ARVCF: variants seen among roughly 807,000 people sequenced by gnomAD.
The protein encoded by ARVCF is ARVCF delta catenin family member, also known as splicing regulator ARVCF.
In ARVCF, 66 loss-of-function variants were observed where a neutral mutation model predicts 90.9. The ratio of observed to expected loss-of-function variants is 0.73; its 90% CI spans 0.60 to 0.89. ARVCF has a LOEUF of 0.89. Ranked by LOEUF, ARVCF falls within the 40% of genes least tolerant of loss-of-function variation. The pLI is 0.00. For synonymous variants in ARVCF, 653 were observed against 603.4 expected, an observed-to-expected ratio of 1.08 and a Z score of -1.21; for missense variants, 1,469 against 1,382.3, an observed-to-expected ratio of 1.06 and a Z score of -1.00.
chr22:19,989,246 C>G (rs998393472), intron 3 of ARVCF, among the ~76,000 whole-genome samples: 7 of 152,038 alleles, frequency 4.6e-5, no homozygotes, highest in Non-Finnish European at 1.0e-4. Context: ...CCTCTGAGCA[C>G]CAGGGGCCAT....
Position 19,981,719 on chromosome 22 carries a change from T to C in ARVCF, c.388A>G (p.Thr130Ala). The C allele has an allele frequency of 1.9e-6, 3 of 1,570,448 alleles. No homozygotes were observed. The highest frequency in any genetic ancestry group is 2.6e-6 in the Non-Finnish European group (3 of 1,156,278). Residue 130 changes from threonine to alanine, a missense_variant, in exon 5 of 20, where the codon ACG becomes GCG. Thr to Ala is a moderately conservative substitution (Grantham distance 58). Transcript: ENST00000263207. ...TGGCGTACTGTCCGAGTGGTCACCG[T>C]CTTGACAGTCTTGGTGACCTGGTGG... is the stretch of plus-strand genomic sequence containing the variant. ...TETKVTKTVK[T>A]VTTRTVRQVP...
downstream of ARVCF, among the ~76,000 whole-genome samples, chr22:19,966,796 G>A (rs1942423591): frequency 6.6e-6 from 1 of 152,166 alleles, no homozygotes; most frequent in South Asian, 2.1e-4. Flanking sequence ...CCAGGCTGGA[G>A]TGCAGTGGCG....
At chr22:19,979,358 G>A in intron 6 of ARVCF, 1 of 528,248 alleles carries the variant, frequency 1.9e-6, no homozygotes, top group Non-Finnish European at 3.4e-6. Context: ...CACTCCTGAG[G>A]CCACAGGGCC....
chr22:19,989,244 C>T (rs1474237180), intron 3 of ARVCF, among the ~76,000 whole-genome samples: 1 of 151,990 alleles, frequency 6.6e-6, no homozygotes, highest in East Asian at 1.9e-4. Flanking sequence ...GGCCTCTGAG[C>T]ACCAGGGGCC....
chr22:19,982,811 G>T lies in ARVCF; in HGVS notation c.211-720C>A, dbSNP rs562703104. ...CTCGGGCCAGTGGCTGGCGCCCCCA[G>T]TGACTGAGACTCTGGGCATCATATC... On this transcript the variant is annotated intron_variant, in intron 3 of 19. Transcript: ENST00000263207. Among the ~76,000 whole-genome samples the T allele has an allele frequency of 2.0e-5, 3 of 152,342 alleles. No individual in the cohort carries two copies. The East Asian group carries it at 5.8e-4, about 29-fold the overall frequency.
chr22:19,998,170 G>A (rs938862289), intron 2 of ARVCF, among the ~76,000 whole-genome samples: 4 of 152,228 alleles, frequency 2.6e-5, no homozygotes, highest in Admixed American at 1.3e-4. Context: ...GGGCCTCAGC[G>A]GGCAGGTGCA....
At position 19,977,911 on chromosome 22, in the gene ARVCF, A is replaced by T. The variant is rs372380409; in HGVS notation, c.1698+47T>A. 9.1e-6 allele frequency: 14 copies of T among 1,544,360 alleles called. No homozygotes were observed. The African/African-American group carries it at 1.9e-4, about 21-fold the overall frequency. On this transcript the variant is annotated intron_variant, in intron 8 of 19. Transcript: ENST00000263207. Reference sequence around the variant, plus strand: ...GTTCCAGCCTCCTGGGACCTGCATGATCGTCTCTCCAGCCCTTGGTATGAG... The same window carrying T: ...GTTCCAGCCTCCTGGGACCTGCATGTTCGTCTCTCCAGCCCTTGGTATGAG...
At chr22:19,974,081 C>T in intron 12 of ARVCF, 31 bp downstream of exon 12, 1 of 1,584,882 alleles carries the variant, frequency 6.3e-7, no homozygotes, top group Non-Finnish European at 8.6e-7. Flanking sequence ...TCTCTCAGGA[C>T]TTGCCCACCC....
intron 11 of ARVCF, 43 bp downstream of exon 11, chr22:19,975,643 C>T (rs1361341999): frequency 6.2e-7 from 1 of 1,609,748 alleles, no homozygotes; most frequent in East Asian, 2.2e-5. Flanking sequence ...ATCCTGAGCC[C>T]AGACATCCCC....
At position 19,970,023 on chromosome 22, in the gene ARVCF, G is replaced by GC; in HGVS notation, c.*732dup. On this transcript the variant is annotated 3_prime_UTR_variant, in exon 20 of 20. Coordinates refer to ENST00000263207, the MANE Select transcript of ARVCF (RefSeq NM_001670.3). ...TCTGTTTCTGAGTCACGAACAGCAG[G>GC]CACTGAAAGCAGTCCCCCAGCCACT... The GC allele has an allele frequency of 1.0e-6, 1 of 985,586 alleles. No individual in the cohort carries two copies. Among genetic ancestry groups the GC allele is most frequent in the Non-Finnish European group, 1.2e-6 (1 of 829,934 alleles). The allele number at this position is 985,586 out of a possible 1,614,324, so 61.1% of individuals were successfully genotyped here. A position where few individuals can be genotyped will look rare whatever the true frequency, so the allele number is the denominator to read the frequency against.
At chr22:19,977,672 G>A in intron 8 of ARVCF, 86 bp from the exon 9 acceptor site, 6 of 1,460,020 alleles carry the variant, frequency 4.1e-6, no homozygotes, top group Admixed American at 5.1e-5. Flanking sequence ...TGGTGTGCAT[G>A]AGGGCACCGG....
chr22:19,966,433 C>G (rs1008955323), downstream of ARVCF, among the ~76,000 whole-genome samples: 2 of 85,044 alleles, frequency 2.4e-5, no homozygotes, highest in Non-Finnish European at 4.7e-5. Flanking sequence ...ATGAGTTCCC[C>G]CTTAAAAAAA....
In ARVCF at chr22:19,970,729, G is replaced by A. The variant is rs1332846879; in HGVS notation, c.*27C>T. The A allele has an allele frequency of 1.6e-6, 2 of 1,287,264 alleles. No homozygotes were observed. The highest frequency in any genetic ancestry group is 2.3e-5 in the Admixed American group (1 of 43,194). 79.7% of individuals were successfully genotyped at this position (1,287,264 alleles called of 1,614,324 possible). A position where few individuals can be genotyped will look rare whatever the true frequency, so the allele number is the denominator to read the frequency against. On this transcript the variant is annotated 3_prime_UTR_variant, in exon 20 of 20. Transcript: ENST00000263207. ...CACGATCCAAGCCCTAAGAACAAGA[G>A]GCTGGGCCTGGGCCCTGCAGAGGGA...
In ARVCF at chr22:20,016,777, A is replaced by G. The variant is rs1456498135; in HGVS notation, c.-261T>C. 1.3e-5 allele frequency: 2 copies of G among 150,310 alleles called. No individual in the cohort carries two copies. Among genetic ancestry groups the G allele is most frequent in the Non-Finnish European group, 3.0e-5 (2 of 67,532 alleles). The allele number at this position is 150,310 out of a possible 1,614,324, so 9.3% of individuals were successfully genotyped here. On this transcript the variant is annotated 5_prime_UTR_variant, in exon 1 of 20. Coordinates refer to ENST00000263207, the MANE Select transcript of ARVCF (RefSeq NM_001670.3). ...CCCCTCCCTCCAGGCCCAGCGCGCA[A>G]CCCGAGACCCCGGGCCAGCCCTCCC... is the stretch of plus-strand genomic sequence containing the variant.
chr22:19,972,407 G>A lies in ARVCF; in HGVS notation c.2646C>T (p.Gly882=), dbSNP rs371911365. Residue 882 remains glycine (G), a synonymous_variant, in exon 17 of 20, where the codon GGC becomes GGT. Coordinates refer to ENST00000263207, the MANE Select transcript of ARVCF (RefSeq NM_001670.3). ...TLPLVDKSLE[G]EKTGSRDVIP... is the part of the protein sequence containing the mutation. ...TCACATCCCGGCTGCCAGTTTTCTC[G>A]CCCTCTGCAAGGCAGGAGGAGGAGA... 179 of 1,613,428 alleles carry A rather than the reference G, an allele frequency of 1.1e-4. No homozygotes were observed. In the Admixed American group the frequency reaches 2.7e-3, roughly 24 times the overall value.
chr22:20,013,161 T>A (rs1407586582), intron 1 of ARVCF, among the ~76,000 whole-genome samples: 1 of 152,234 alleles, frequency 6.6e-6, no homozygotes, highest in Non-Finnish European at 1.5e-5. Flanking sequence ...TCAATGACAA[T>A]GCTGTCCACT....
At chr22:20,014,847 G>A (rs1569203792) in intron 1 of ARVCF, among the ~76,000 whole-genome samples, 1 of 152,166 alleles carries the variant, frequency 6.6e-6, no homozygotes, top group African/African-American at 2.4e-5. Flanking sequence ...GCTCCCCCAG[G>A]CCAGACTCCT....
intron 18 of ARVCF, among the ~76,000 whole-genome samples, chr22:19,971,685 T>C (rs1033674491): frequency 6.6e-6 from 1 of 152,170 alleles, no homozygotes; most frequent in African/African-American, 2.4e-5. Context: ...CCGGGCAGTG[T>C]TGTCCCCAGT....
rs760368675 is a variant in ARVCF, at chr22:19,979,909, G to T, written c.1230C>A (p.Asp410Glu). 5 of 1,599,960 alleles carry T rather than the reference G, an allele frequency of 3.1e-6. No individual in the cohort carries two copies. The South Asian group carries it at 5.6e-5, about 18-fold the overall frequency. The change falls in exon 6 of 20, where the codon GAC becomes GAA. Residue 410 changes from aspartate to glutamate, a missense_variant. Physicochemically the swap from Asp to Glu is conservative, Grantham distance 45. Transcript: ENST00000263207. ...GGCGCCGCACCTCAGCCCGCGGGTGGTCCAGCAGTGCCACAAGCAGCGGCA... is the reference window on the plus strand; with the variant it reads ...GGCGCCGCACCTCAGCCCGCGGGTGTTCCAGCAGTGCCACAAGCAGCGGCA... ...RGLPLLVALL[D>E]HPRAEVRRRA... is the part of the protein sequence containing the mutation.
Sources: gnomAD v4.1 joint callset for allele counts (sites outside exome capture counted in the v4.1 genomes callset) on GRCh38, gnomAD v4.1.1 for gene constraint, MANE v1.5 for transcripts, NCBI Gene and HGNC (gene_info 2026-07-23, HGNC 2026-07-21) for gene names.